IRAK1BP1: variants seen among roughly 807,000 people sequenced by gnomAD.
IRAK1BP1 encodes the protein interleukin 1 receptor associated kinase 1 binding protein 1, also known as interleukin-1 receptor-associated kinase 1-binding protein 1.
A neutral mutation model predicts 28.0 loss-of-function variants in IRAK1BP1; 24 were observed. The ratio of observed to expected loss-of-function variants is 0.86; its 90% CI spans 0.62 to 1.20. The LOEUF is 1.20. IRAK1BP1 is among the 50% of genes most tolerant of loss of function. The probability of loss-of-function intolerance (pLI) is 0.00; values close to 1 mark genes in which losing one functional copy is unlikely to be tolerated. For missense variants in IRAK1BP1, 336 were observed against 316.7 expected (o/e 1.06, Z -0.46); for synonymous variants, 131 against 116.3 (o/e 1.13, Z -0.81).
chr6:78,946,833 T>C (rs1562115118), downstream of IRAK1BP1: 2 of 1,584,908 alleles, frequency 1.3e-6, no homozygotes, highest in South Asian at 2.3e-5. Context: ...AACTAATGTG[T>C]TCTTCAAAGA....
In IRAK1BP1 at chr6:78,932,068, G is replaced by A. The variant is rs1253556755; in HGVS notation, c.*68-13340G>A. 3.3e-5 allele frequency among the ~76,000 whole-genome samples: 5 copies of A among 152,236 alleles called. No homozygotes were observed. In the East Asian group the frequency reaches 7.7e-4, roughly 24 times the overall value. On this transcript the variant is annotated intron_variant and NMD_transcript_variant, in intron 4 of 4. Coordinates refer to the IRAK1BP1 transcript ENST00000606868. ...AGTAGATTTAATCCCAAGAAACTTCGCTCATCCATAAGAAGCAACTCCTTA... is the reference window on the plus strand; with the variant it reads ...AGTAGATTTAATCCCAAGAAACTTCACTCATCCATAAGAAGCAACTCCTTA...
chr6:78,876,669 C>T (rs996959711), intron 1 of IRAK1BP1, among the ~76,000 whole-genome samples: 1 of 152,170 alleles, frequency 6.6e-6, no homozygotes, highest in Non-Finnish European at 1.5e-5. Context: ...GGGTGACCAG[C>T]ATGTCCTCCT....
At chr6:78,887,027 C>A (rs1771453399) in intron 2 of IRAK1BP1, among the ~76,000 whole-genome samples, 1 of 152,116 alleles carries the variant, frequency 6.6e-6, no homozygotes, top group Non-Finnish European at 1.5e-5. Context: ...TCACAAGATA[C>A]AAAATGTACC....
chr6:78,968,584 C>A, the IRAK1BP1 span, among the ~76,000 whole-genome samples: 1 of 152,186 alleles, frequency 6.6e-6, no homozygotes, highest in African/African-American at 2.4e-5. Context: ...TACTAAGGGA[C>A]AACTATAACT....
intron 1 of IRAK1BP1, among the ~76,000 whole-genome samples, chr6:78,880,595 AAGTC>A (rs1263672184): frequency 2.0e-5 from 3 of 152,340 alleles, no homozygotes; most frequent in East Asian, 1.9e-4. Context: ...AGAAAATGAA[AAGTC>A]AGTCTATAGA....
At chr6:78,952,428 G>GA in the IRAK1BP1 span, among the ~76,000 whole-genome samples, 186 of 57,620 alleles carry the variant, frequency 3.2e-3, 1 homozygote, top group South Asian at 0.044. Flanking sequence ...AAAAAAAAAA[G>GA]AAAAAAAAAA....
chr6:78,949,952 G>A (rs573858453), downstream of IRAK1BP1, among the ~76,000 whole-genome samples: 1 of 152,290 alleles, frequency 6.6e-6, no homozygotes, highest in South Asian at 2.1e-4. Context: ...GCCTCCCAAA[G>A]TGCTGGGATT....
the IRAK1BP1 span, among the ~76,000 whole-genome samples, chr6:78,974,589 C>T: frequency 6.6e-6 from 1 of 152,080 alleles, no homozygotes; most frequent in Non-Finnish European, 1.5e-5. Flanking sequence ...AATCCAGGAG[C>T]TGGTTTTTTG....
chr6:78,954,178 T>C, the IRAK1BP1 span, among the ~76,000 whole-genome samples: 22 of 152,082 alleles, frequency 1.4e-4, no homozygotes, highest in African/African-American at 5.1e-4. Context: ...CTCGGCTCAC[T>C]GCAAGCTCCA....
the IRAK1BP1 span, chr6:78,955,212 T>G: frequency 2.6e-6 from 4 of 1,559,132 alleles, no homozygotes; most frequent in Non-Finnish European, 3.5e-6. Flanking sequence ...GTACTTCTGC[T>G]AAAACTAAAA....
At chr6:78,943,488 G>A (rs1412430315) in intron 4 of IRAK1BP1, among the ~76,000 whole-genome samples, 1 of 151,980 alleles carries the variant, frequency 6.6e-6, no homozygotes, top group Non-Finnish European at 1.5e-5. Context: ...TCAGAAAGGG[G>A]GCAGATTATT....
At chr6:78,979,122 G>A in the IRAK1BP1 span, among the ~76,000 whole-genome samples, 1 of 152,054 alleles carries the variant, frequency 6.6e-6, no homozygotes, top group Non-Finnish European at 1.5e-5. Flanking sequence ...CCTGGATTTT[G>A]TTATCTGCAG....
chr6:78,879,362 A>T lies in IRAK1BP1; in HGVS notation c.316-6016A>T, dbSNP rs575514186. Among the ~76,000 whole-genome samples the T allele has an allele frequency of 6.4e-3, 964 of 150,850 alleles. 19 individuals are homozygous for T. Among genetic ancestry groups the T allele is most frequent in the African/African-American group, 0.023 (908 of 40,200 alleles). The stretch of plus-strand genomic sequence containing the variant: ...CTTAAAGTATAATAATAAAAATTTT[A>T]AAAAAATAAAAAAATCACTGGGCTA... On this transcript the variant is annotated intron_variant, in intron 1 of 3. Transcript: ENST00000369940.
chr6:78,875,772 A>T (rs750309987), intron 1 of IRAK1BP1, among the ~76,000 whole-genome samples: 1 of 152,150 alleles, frequency 6.6e-6, no homozygotes, highest in Non-Finnish European at 1.5e-5. Flanking sequence ...AGTGTTTCCT[A>T]CTTGGGCAAC....
intron 2 of IRAK1BP1, among the ~76,000 whole-genome samples, chr6:78,892,260 G>T (rs1471671756): frequency 1.3e-5 from 2 of 151,706 alleles, no homozygotes; most frequent in African/African-American, 2.4e-5. Context: ...TAGCTATATT[G>T]TTCTACTTAT....
At position 78,867,831 on chromosome 6, in the gene IRAK1BP1, A is replaced by G; in HGVS notation, c.255A>G (p.Lys85=). The change falls in exon 1 of 4, where the codon AAA becomes AAG. Residue 85 remains lysine, a synonymous_variant. Coordinates refer to ENST00000369940, the MANE Select transcript of IRAK1BP1 (RefSeq NM_001010844.4). ...CCAAGGAGGCGGCAGCCGAGGCCAA[A>G]AAGAGCGTTTGTCGCCGTCTAGATT... ...SSTKEAAAEA[K]KSVCRRLDYI... The G allele has an allele frequency of 6.2e-7, 1 of 1,612,082 alleles. No homozygotes were observed. The highest frequency in any genetic ancestry group is 8.5e-7 in the Non-Finnish European group (1 of 1,179,044).
intron 1 of IRAK1BP1, among the ~76,000 whole-genome samples, chr6:78,869,338 G>A: frequency 6.6e-6 from 1 of 152,072 alleles, no homozygotes; most frequent in East Asian, 1.9e-4. Context: ...TGGCCAACAT[G>A]GCAAAACCCA....
rs559095106 is a variant in IRAK1BP1 at position 78,942,092 on chromosome 6, T to A, written c.*68-3316T>A. On this transcript the variant is annotated intron_variant and NMD_transcript_variant, in intron 4 of 4. Transcript: ENST00000606868. ...TGGTAGGTGATTTGCAATGCTCTATTTTTGAGGAAATTCATAGATGGAAAC... is the reference window on the plus strand; with the variant it reads ...TGGTAGGTGATTTGCAATGCTCTATATTTGAGGAAATTCATAGATGGAAAC... Among the ~76,000 whole-genome samples, 36 of 152,312 alleles carry A rather than the reference T, an allele frequency of 2.4e-4. No homozygotes were observed. In the East Asian group the frequency reaches 6.4e-3, roughly 27 times the overall value.
At chr6:78,886,477 T>C (rs1471465498) in intron 2 of IRAK1BP1, among the ~76,000 whole-genome samples, 1 of 152,190 alleles carries the variant, frequency 6.6e-6, no homozygotes, top group Non-Finnish European at 1.5e-5. Flanking sequence ...TAGTAGGAAC[T>C]GAAAAATACC....
Sources: allele counts gnomAD v4.1 joint callset (sites outside exome capture counted in the v4.1 genomes callset), GRCh38; gene constraint gnomAD v4.1.1; transcripts MANE v1.5; gene names NCBI Gene and HGNC (gene_info 2026-07-23, HGNC 2026-07-21).